RARB: variants seen among roughly 807,000 people sequenced by gnomAD.
RARB encodes retinoic acid receptor beta, also known as HBV-activated protein.
RARB carries 17 observed loss-of-function variants against 51.9 expected under a neutral mutation model. That is an observed-to-expected ratio of 0.33 (90% confidence interval 0.22 to 0.49). The LOEUF (loss-of-function observed/expected upper bound fraction) is 0.49, where lower values mean the gene tolerates loss of function less well. RARB is among the 20% of genes least tolerant of loss of function. The probability of loss-of-function intolerance (pLI) is 0.99; values close to 1 mark genes in which losing one functional copy is unlikely to be tolerated. For synonymous variants in RARB, 215 were observed against 195.4 expected (o/e 1.10, Z -0.84); for missense variants, 369 against 550.8 (o/e 0.67, Z 3.30).
At chr3:25,359,816 G>A (rs536599251) in intron 5 of RARB, among the ~76,000 whole-genome samples, 3 of 152,156 alleles carry the variant, frequency 2.0e-5, no homozygotes, top group Admixed American at 1.3e-4. Context: ...GAGTTCTAAT[G>A]TGATTGTACT....
At chr3:25,490,004 T>G (rs1314521073) in intron 2 of RARB, among the ~76,000 whole-genome samples, 1 of 152,362 alleles carries the variant, frequency 6.6e-6, no homozygotes, top group South Asian at 2.1e-4. Flanking sequence ...CTCAATAAAC[T>G]TAGTGAGATT....
At chr3:25,130,534 C>A (rs1287800836) in intron 3 of RARB, among the ~76,000 whole-genome samples, 2 of 151,540 alleles carry the variant, frequency 1.3e-5, no homozygotes, top group African/African-American at 4.9e-5. Context: ...TGTATTTACT[C>A]TCTTTCCTTC....
intron 3 of RARB, among the ~76,000 whole-genome samples, chr3:25,536,464 A>G (rs1390844310): frequency 6.6e-6 from 1 of 152,254 alleles, no homozygotes; most frequent in Non-Finnish European, 1.5e-5. Context: ...GCTAGCTTAC[A>G]GTAAAAACCC....
intron 2 of RARB, among the ~76,000 whole-genome samples, chr3:25,470,125 G>C (rs1186822457): frequency 6.6e-6 from 1 of 152,062 alleles, no homozygotes; most frequent in Non-Finnish European, 1.5e-5. Context: ...TTCACAGCTG[G>C]GTCTCCATAC....
At chr3:25,263,542 A>C (rs1318746488) in intron 5 of RARB, among the ~76,000 whole-genome samples, 2 of 152,218 alleles carry the variant, frequency 1.3e-5, no homozygotes, top group East Asian at 3.9e-4. Context: ...GTTTAAGAAG[A>C]GAACTGAGTG....
At chr3:25,437,608 A>G (rs986767172) in intron 1 of RARB, among the ~76,000 whole-genome samples, 13 of 152,290 alleles carry the variant, frequency 8.5e-5, no homozygotes, top group Non-Finnish European at 1.8e-4. Flanking sequence ...TGAACCTAAG[A>G]TTGATAATGG....
intron 5 of RARB, among the ~76,000 whole-genome samples, chr3:25,333,846 C>T (rs932995242): frequency 6.6e-6 from 1 of 152,158 alleles, no homozygotes; most frequent in Non-Finnish European, 1.5e-5. Context: ...AATGAAACAA[C>T]CCCATCACAA....
At chr3:25,563,889 C>T (rs918955071) in intron 3 of RARB, among the ~76,000 whole-genome samples, 3 of 151,126 alleles carry the variant, frequency 2.0e-5, no homozygotes, top group Admixed American at 6.6e-5. Flanking sequence ...ATCATGCTTC[C>T]TTTGCTAAGC....
chr3:25,215,460 C>A (rs34549650), intron 5 of RARB, among the ~76,000 whole-genome samples: 1 of 152,034 alleles, frequency 6.6e-6, no homozygotes, highest in Non-Finnish European at 1.5e-5. Context: ...ACTGACCATT[C>A]ACATAGTTGT....
intron 4 of RARB, among the ~76,000 whole-genome samples, chr3:25,162,620 C>A (rs1450354742): frequency 6.6e-6 from 1 of 152,192 alleles, no homozygotes; most frequent in South Asian, 2.1e-4. Context: ...TACTAATCTA[C>A]TTTCTGTCTC....
intron 2 of RARB, among the ~76,000 whole-genome samples, chr3:24,976,651 T>C (rs1696520004): frequency 6.6e-6 from 1 of 152,244 alleles, no homozygotes; most frequent in Admixed American, 6.5e-5. Context: ...TTGTAGATTC[T>C]GCATATTAGC....
intron 3 of RARB, among the ~76,000 whole-genome samples, chr3:25,105,492 A>G (rs535619108): frequency 6.6e-6 from 1 of 150,686 alleles, no homozygotes; most frequent in South Asian, 2.1e-4. Context: ...GCCAAGTATG[A>G]CTGCACTGCT....
chr3:24,972,942 G>A (rs1696433028), intron 2 of RARB, among the ~76,000 whole-genome samples: 1 of 151,868 alleles, frequency 6.6e-6, no homozygotes, highest in African/African-American at 2.4e-5. Flanking sequence ...CTTCAATTTG[G>A]TTGTTTCCTT....
At chr3:25,293,161 C>T (rs1703830498) in intron 5 of RARB, among the ~76,000 whole-genome samples, 1 of 152,136 alleles carries the variant, frequency 6.6e-6, no homozygotes, top group African/African-American at 2.4e-5. Flanking sequence ...ATACCTGTAT[C>T]TGTATTCTGA....
At chr3:24,951,733 A>C (rs1575087823) in intron 2 of RARB, among the ~76,000 whole-genome samples, 1 of 152,292 alleles carries the variant, frequency 6.6e-6, no homozygotes, top group South Asian at 2.1e-4. Context: ...TGACCCCCCA[A>C]AGGGGCACAA....
At chr3:25,200,445 G>A (rs1350763978) in intron 5 of RARB, among the ~76,000 whole-genome samples, 8 of 152,064 alleles carry the variant, frequency 5.3e-5, no homozygotes, top group South Asian at 2.1e-4. Flanking sequence ...TCTTTAGTTT[G>A]ATTAGATCCC....
intron 2 of RARB, among the ~76,000 whole-genome samples, chr3:24,950,663 G>C (rs1695869908): frequency 2.6e-5 from 4 of 151,546 alleles, no homozygotes; most frequent in Admixed American, 2.6e-4. Context: ...CACCCAGCAG[G>C]GTTAGTGGAA....
chr3:25,255,717 G>A (rs1163260639), intron 5 of RARB, among the ~76,000 whole-genome samples: 1 of 152,036 alleles, frequency 6.6e-6, no homozygotes, highest in African/African-American at 2.4e-5. Context: ...GTACAGTTTT[G>A]TGGACCTTTT....
At chr3:25,436,227 T>C (rs1202811034) in intron 1 of RARB, among the ~76,000 whole-genome samples, 2 of 152,204 alleles carry the variant, frequency 1.3e-5, no homozygotes, top group Non-Finnish European at 2.9e-5. Context: ...AGAGCTTTTT[T>C]TCCATGCTAT....
Sources: gnomAD v4.1 joint callset for allele counts (sites outside exome capture counted in the v4.1 genomes callset) on GRCh38, gnomAD v4.1.1 for gene constraint, MANE v1.5 for transcripts, NCBI Gene and HGNC (gene_info 2026-07-23, HGNC 2026-07-21) for gene names.